NAALADL2: variants seen among roughly 807,000 people sequenced by gnomAD.
NAALADL2 encodes inactive N-acetylated-alpha-linked acidic dipeptidase-like protein 2.
In NAALADL2, 76 loss-of-function variants were observed where a neutral mutation model predicts 87.2. That is an observed-to-expected ratio of 0.87 (90% confidence interval 0.72 to 1.05). NAALADL2 has a LOEUF of 1.05. Among genes scored for constraint, NAALADL2 ranks in the 50% least tolerant of loss-of-function variants. NAALADL2 has a pLI of 0.00. For synonymous variants in NAALADL2, 354 were observed against 331.0 expected, an observed-to-expected ratio of 1.07 and a Z score of -0.75; for missense variants, 1,089 against 945.8, an observed-to-expected ratio of 1.15 and a Z score of -1.99.
intron 9 of NAALADL2, among the ~76,000 whole-genome samples, chr3:175,570,530 G>T (rs2149539280): frequency 6.6e-6 from 1 of 152,206 alleles, no homozygotes; most frequent in South Asian, 2.1e-4. Flanking sequence ...AAACCAGTGA[G>T]ATAAATTATT....
At chr3:174,735,065 A>C (rs1432256839) in intron 2 of NAALADL2, among the ~76,000 whole-genome samples, 1 of 152,194 alleles carries the variant, frequency 6.6e-6, no homozygotes, top group Non-Finnish European at 1.5e-5. Flanking sequence ...GAATAAGAAC[A>C]CTTTATAGCT....
intron 1 of NAALADL2, among the ~76,000 whole-genome samples, chr3:174,982,183 TA>T (rs1745214007): frequency 6.6e-6 from 1 of 152,150 alleles, no homozygotes; most frequent in Non-Finnish European, 1.5e-5. Context: ...AGGCAGTTTT[TA>T]GATAGTCTGG....
chr3:174,848,651 G>T (rs925453984), intron 3 of NAALADL2, among the ~76,000 whole-genome samples: 3 of 152,058 alleles, frequency 2.0e-5, no homozygotes, highest in African/African-American at 7.2e-5. Flanking sequence ...TCACAGCTTT[G>T]CAGTGAAGTT....
chr3:175,012,744 A>C (rs1437295230), intron 1 of NAALADL2, among the ~76,000 whole-genome samples: 1 of 151,910 alleles, frequency 6.6e-6, no homozygotes, highest in African/African-American at 2.4e-5. Context: ...GACGGGGAAC[A>C]CTTGCCTTGC....
chr3:175,672,381 C>A (rs972873944), intron 11 of NAALADL2, among the ~76,000 whole-genome samples: 1 of 152,086 alleles, frequency 6.6e-6, no homozygotes, highest in Non-Finnish European at 1.5e-5. Context: ...GAAGTTGATC[C>A]TCTTATCCTG....
At chr3:175,132,549 C>T (rs1343182251) in intron 2 of NAALADL2, among the ~76,000 whole-genome samples, 2 of 85,544 alleles carry the variant, frequency 2.3e-5, no homozygotes, top group Admixed American at 1.1e-4. Flanking sequence ...GAAGAATGGC[C>T]GGGCGGGGGG....
chr3:174,904,050 T>C (rs1007197592), intron 1 of NAALADL2, among the ~76,000 whole-genome samples: 8 of 151,828 alleles, frequency 5.3e-5, no homozygotes, highest in Non-Finnish European at 1.0e-4. Context: ...TCTATATCTC[T>C]GAGCTTATAG....
At chr3:175,005,738 T>C (rs541504316) in intron 1 of NAALADL2, among the ~76,000 whole-genome samples, 1 of 152,300 alleles carries the variant, frequency 6.6e-6, no homozygotes, top group East Asian at 1.9e-4. Flanking sequence ...ATTTGGAAAA[T>C]ATTTTTTAAA....
intron 2 of NAALADL2, among the ~76,000 whole-genome samples, chr3:174,664,340 A>G (rs1273057181): frequency 6.6e-6 from 1 of 152,178 alleles, no homozygotes; most frequent in Non-Finnish European, 1.5e-5. Context: ...ATATTGCATG[A>G]AGGATAGACA....
intron 10 of NAALADL2, among the ~76,000 whole-genome samples, chr3:175,598,548 C>T (rs1374337662): frequency 1.3e-5 from 2 of 152,010 alleles, no homozygotes; most frequent in African/African-American, 4.8e-5. Context: ...AGATTATTGT[C>T]ACCATTTTAT....
chr3:175,086,930 C>G (rs889166421), intron 1 of NAALADL2, among the ~76,000 whole-genome samples: 2 of 152,056 alleles, frequency 1.3e-5, no homozygotes, highest in Non-Finnish European at 2.9e-5. Flanking sequence ...TTAGTACTAT[C>G]ATACATAAAG....
At chr3:175,526,673 A>G (rs981232978) in intron 9 of NAALADL2, among the ~76,000 whole-genome samples, 23 of 152,128 alleles carry the variant, frequency 1.5e-4, no homozygotes, top group South Asian at 2.1e-4. Context: ...TTTCTCTGCT[A>G]GGCAGAAGCT....
At chr3:174,838,399 G>GA (rs2109407373) in intron 3 of NAALADL2, among the ~76,000 whole-genome samples, 1 of 152,224 alleles carries the variant, frequency 6.6e-6, no homozygotes, top group African/African-American at 2.4e-5. Context: ...ACTGAATGGG[G>GA]AAAAGTTGAA....
chr3:174,708,394 C>T (rs1342756812), intron 2 of NAALADL2, among the ~76,000 whole-genome samples: 1 of 152,118 alleles, frequency 6.6e-6, no homozygotes, highest in Non-Finnish European at 1.5e-5. Flanking sequence ...CATGCTTGAT[C>T]CATTTGAGAA....
At chr3:175,058,476 T>C (rs911081190) in intron 1 of NAALADL2, among the ~76,000 whole-genome samples, 3 of 152,128 alleles carry the variant, frequency 2.0e-5, no homozygotes, top group Non-Finnish European at 2.9e-5. Flanking sequence ...CTAAGAATCA[T>C]GAAAACAAAA....
At chr3:174,899,916 C>T (rs999546466) in intron 1 of NAALADL2, among the ~76,000 whole-genome samples, 1 of 151,722 alleles carries the variant, frequency 6.6e-6, no homozygotes, top group Non-Finnish European at 1.5e-5. Flanking sequence ...AACAAAAAAG[C>T]TAACAATTTC....
chr3:175,662,151 C>A (rs1385530560), intron 11 of NAALADL2, among the ~76,000 whole-genome samples: 1 of 151,664 alleles, frequency 6.6e-6, no homozygotes. Context: ...TTTGTGTGTT[C>A]CCTCTTCAAT....
At chr3:175,174,592 T>A (rs1456766560) in intron 2 of NAALADL2, among the ~76,000 whole-genome samples, 16 of 152,178 alleles carry the variant, frequency 1.1e-4, no homozygotes, top group African/African-American at 2.9e-4. Context: ...TCAAATATGA[T>A]ATATTTTTAA....
At chr3:174,931,578 C>T (rs1300776560) in intron 1 of NAALADL2, among the ~76,000 whole-genome samples, 1 of 152,080 alleles carries the variant, frequency 6.6e-6, no homozygotes, top group African/African-American at 2.4e-5. Context: ...ATGGTTTATT[C>T]TCAGAATTCA....
Sources: gnomAD v4.1 joint callset for allele counts (sites outside exome capture counted in the v4.1 genomes callset) on GRCh38, gnomAD v4.1.1 for gene constraint, MANE v1.5 for transcripts, NCBI Gene and HGNC (gene_info 2026-07-23, HGNC 2026-07-21) for gene names.